SVEP1: variants seen among roughly 807,000 people sequenced by gnomAD.
SVEP1 encodes the protein sushi, von Willebrand factor type A, EGF and pentraxin domain-containing protein 1.
A neutral mutation model predicts 367.3 loss-of-function variants in SVEP1; 164 were observed. The observed-to-expected ratio is 0.45, with a 90% CI of 0.39 to 0.51. The LOEUF is 0.51. SVEP1 is among the 20% of genes least tolerant of loss of function. The probability of loss-of-function intolerance (pLI) is 0.00; values close to 1 mark genes in which losing one functional copy is unlikely to be tolerated. For synonymous variants in SVEP1, 1,666 were observed against 1,611.6 expected (o/e 1.03, Z -0.81); for missense variants, 4,117 against 4,425.3 (o/e 0.93, Z 1.98).
Position 110,512,533 on chromosome 9 carries a change from T to A in SVEP1, c.1303+393A>T, listed in dbSNP as rs559528451. Among the ~76,000 whole-genome samples the A allele has an allele frequency of 4.1e-4, 63 of 152,282 alleles. 1 individual carries two copies. In the South Asian group the frequency reaches 7.2e-3, roughly 18 times the overall value. On this transcript the variant is annotated intron_variant, in intron 5 of 47. Coordinates refer to ENST00000374469, the MANE Select transcript of SVEP1 (RefSeq NM_153366.4). ...GAAGTAAAGGCTGGAGATTACAAGT[T>A]GGCTAACTGCTCTTGTTGCAGGATA...
chr9:110,456,870 T>A (rs542077065), intron 21 of SVEP1, among the ~76,000 whole-genome samples: 1 of 152,166 alleles, frequency 6.6e-6, no homozygotes. Context: ...CTTCTATTAG[T>A]GTGTAGCAAA....
At chr9:110,553,486 A>G (rs1468029103) in intron 1 of SVEP1, among the ~76,000 whole-genome samples, 1 of 152,186 alleles carries the variant, frequency 6.6e-6, no homozygotes, top group Non-Finnish European at 1.5e-5. Context: ...GATATCTTGG[A>G]AAGTAAATAG....
chr9:110,466,915 T>C (rs1828947605), intron 17 of SVEP1, among the ~76,000 whole-genome samples: 1 of 152,230 alleles, frequency 6.6e-6, no homozygotes, highest in South Asian at 2.1e-4. Context: ...CAACTTGCTA[T>C]AATTCATAAG....
intron 27 of SVEP1, among the ~76,000 whole-genome samples, chr9:110,438,119 A>C (rs1307818645): frequency 6.6e-6 from 1 of 151,268 alleles, no homozygotes; most frequent in African/African-American, 2.4e-5. Context: ...ATATTGTTGA[A>C]GGTGTTGTGA....
In SVEP1 at chr9:110,379,412, A is replaced by T; in HGVS notation, c.10343T>A (p.Leu3448Ter). 2 of 1,613,812 alleles carry T rather than the reference A, an allele frequency of 1.2e-6. No homozygotes were observed. Among genetic ancestry groups the T allele is most frequent in the Non-Finnish European group, 1.7e-6 (2 of 1,179,786 alleles). The change falls in exon 44 of 48, where the codon TTG becomes TAG. Residue 3448 changes from leucine (L) to a stop codon, truncating the protein, a stop_gained. Coordinates refer to ENST00000374469, the MANE Select transcript of SVEP1 (RefSeq NM_153366.4). LOFTEE classifies it high-confidence loss of function. Reference protein sequence around the residue: ...ITYSCYSGYMLEGFLRSVCLE... With the variant: ...ITYSCYSGYM ...ACAAACACTCCTCAGGAAACCCTCC[A>T]ACATGTATCCACTGTAACATGAGTA... is the stretch of plus-strand genomic sequence containing the variant.
At chr9:110,569,110 AAAATT>A (rs902371012) in intron 1 of SVEP1, among the ~76,000 whole-genome samples, 2 of 151,920 alleles carry the variant, frequency 1.3e-5, no homozygotes, top group African/African-American at 4.8e-5. Flanking sequence ...TAAATAAATA[AAAATT>A]AAATTAAATT....
chr9:110,414,203 T>C (rs1828084748), intron 36 of SVEP1, among the ~76,000 whole-genome samples: 1 of 152,094 alleles, frequency 6.6e-6, no homozygotes, highest in Non-Finnish European at 1.5e-5. Flanking sequence ...AGTTATCAAA[T>C]ATTTCTCCTG....
At chr9:110,431,806 C>A in intron 32 of SVEP1, 109 bp downstream of exon 32, 2 of 1,381,998 alleles carry the variant, frequency 1.4e-6, no homozygotes, top group Non-Finnish European at 1.0e-6. Context: ...TACCTGTATG[C>A]CCTTTGAAGT....
In SVEP1 at chr9:110,430,265, T is replaced by C. The variant is rs773405730; in HGVS notation, c.5530+9A>G. 1 of 1,606,470 alleles carries C rather than the reference T, an allele frequency of 6.2e-7. No homozygotes were observed. ...AACATAAGAAACGTGGTAAATTTAC[T>C]AAACATACCTTTACAATATGGTATT... is the stretch of plus-strand genomic sequence containing the variant. On this transcript the variant is annotated intron_variant, in intron 33 of 47. Coordinates refer to ENST00000374469, the MANE Select transcript of SVEP1 (RefSeq NM_153366.4).
At chr9:110,402,854 CT>C (rs1225099371) in intron 39 of SVEP1, among the ~76,000 whole-genome samples, 13 of 152,156 alleles carry the variant, frequency 8.5e-5, no homozygotes, top group Admixed American at 8.5e-4. Context: ...CTTGTTCCCC[CT>C]AATGTTTCTG....
intron 37 of SVEP1, among the ~76,000 whole-genome samples, chr9:110,409,830 GTAATA>G (rs1828018610): frequency 6.6e-6 from 1 of 151,994 alleles, no homozygotes; most frequent in Admixed American, 6.6e-5. Context: ...TCAAACACAT[GTAATA>G]TAACAGGTCA....
At position 110,479,644 on chromosome 9, in the gene SVEP1, C is replaced by G; in HGVS notation, c.2478G>C (p.Leu826=). ...ACCACTATTGATGTACCATTTTTCC[C>G]AGGGTCGTCTCAAATGCTTCAGAAA... ...KKFSEAFETT[L]GKMVPSFCSD... is the part of the protein sequence containing the mutation. The change falls in exon 13 of 48, where the codon CTG becomes CTC. Residue 826 remains leucine (L), a synonymous_variant. Transcript: ENST00000374469. The G allele has an allele frequency of 1.2e-6, 2 of 1,603,584 alleles. No individual in the cohort carries two copies. The highest frequency in any genetic ancestry group is 1.7e-6 in the Non-Finnish European group (2 of 1,176,698).
chr9:110,528,091 C>T (rs1406245624), intron 3 of SVEP1, among the ~76,000 whole-genome samples: 1 of 143,758 alleles, frequency 7.0e-6, no homozygotes, highest in Non-Finnish European at 1.5e-5. Flanking sequence ...TATATATACA[C>T]ACACACATAC....
intron 1 of SVEP1, among the ~76,000 whole-genome samples, chr9:110,560,624 C>A (rs1461031976): frequency 6.6e-6 from 1 of 152,092 alleles, no homozygotes; most frequent in African/African-American, 2.4e-5. Flanking sequence ...CTGAATGCAC[C>A]ATGAGGCTCC....
chr9:110,413,448 G>A (rs1413841001), intron 36 of SVEP1, among the ~76,000 whole-genome samples: 1 of 149,612 alleles, frequency 6.7e-6, no homozygotes, highest in Non-Finnish European at 1.5e-5. Flanking sequence ...GCTAGATGAC[G>A]AGTTAGTGGG....
At chr9:110,494,164 A>T (rs573246241) in intron 8 of SVEP1, among the ~76,000 whole-genome samples, 2 of 152,282 alleles carry the variant, frequency 1.3e-5, no homozygotes, top group Admixed American at 1.3e-4. Flanking sequence ...GTAAGGAAAC[A>T]TATTTGCAGG....
At chr9:110,390,381 A>T (rs1182092954) in intron 40 of SVEP1, among the ~76,000 whole-genome samples, 9 of 100,056 alleles carry the variant, frequency 9.0e-5, no homozygotes, top group African/African-American at 3.7e-4. Flanking sequence ...CTACTTATAT[A>T]TATATATACT....
chr9:110,524,392 G>A (rs1829915728), intron 3 of SVEP1, among the ~76,000 whole-genome samples: 1 of 151,998 alleles, frequency 6.6e-6, no homozygotes, highest in Non-Finnish European at 1.5e-5. Flanking sequence ...TAGAAATATA[G>A]ACACAAAAAA....
rs199954746 is a variant in SVEP1, at chr9:110,392,153, ATC to A, written c.9823-2568_9823-2567del. ...CCTCATTATATATATATATATATAT[ATC>A]TCTTCTCTCTCTCTCCTATTGGTTC... On this transcript the variant is annotated intron_variant, in intron 40 of 47. Transcript: ENST00000374469. Among the ~76,000 whole-genome samples, 893 of 147,770 alleles carry A rather than the reference ATC, an allele frequency of 6.0e-3. 22 individuals are homozygous for A. Among genetic ancestry groups the A allele is most frequent in the African/African-American group, 0.021 (836 of 39,470 alleles).
Sources: gnomAD v4.1 joint callset for allele counts (sites outside exome capture counted in the v4.1 genomes callset) on GRCh38, gnomAD v4.1.1 for gene constraint, MANE v1.5 for transcripts, NCBI Gene and HGNC (gene_info 2026-07-23, HGNC 2026-07-21) for gene names.